Variants in ERICH1 observed in about 807,000 individuals in gnomAD.
The protein encoded by ERICH1 is glutamate-rich protein 1.
ERICH1 carries 56 observed loss-of-function variants against 39.6 expected under a neutral mutation model. The ratio of observed to expected loss-of-function variants is 1.41; its 90% CI spans 1.14 to 1.77. The LOEUF is 1.77. ERICH1 is among the 40% of genes most tolerant of loss of function. The pLI, the probability that ERICH1 is intolerant of heterozygous loss-of-function variation, is 0.00. For missense variants in ERICH1, 826 were observed against 575.4 expected (o/e 1.44, Z -4.45); for synonymous variants, 313 against 223.6 (o/e 1.40, Z -3.57).
chr8:716,095 A>C (rs936574165), intron 1 of ERICH1, 88 bp from the exon 2 acceptor site: 5 of 1,457,070 alleles, frequency 3.4e-6, no homozygotes, highest in South Asian at 1.4e-5. Context: ...ACTCTACACA[A>C]ACACACACAT....
chr8:662,586 T>G (rs1164689216), downstream of ERICH1, among the ~76,000 whole-genome samples: 2 of 149,974 alleles, frequency 1.3e-5, no homozygotes, highest in Non-Finnish European at 3.0e-5. Context: ...AGGTGGAGGT[T>G]GAGGTGAGCC....
chr8:634,807 G>C (rs891641049), intron 3 of ERICH1, among the ~76,000 whole-genome samples: 3 of 152,240 alleles, frequency 2.0e-5, no homozygotes, highest in Non-Finnish European at 4.4e-5. Flanking sequence ...CCCAGGTCAA[G>C]CATCAGAAAA....
intron 2 of ERICH1, among the ~76,000 whole-genome samples, chr8:701,743 A>C (rs1563303238): frequency 6.6e-6 from 1 of 152,234 alleles, no homozygotes; most frequent in Non-Finnish European, 1.5e-5. Context: ...ATGAAATTAA[A>C]GATGATGTCA....
chr8:656,582 G>C lies in ERICH1; in HGVS notation c.976+12016C>G, dbSNP rs377186803. On this transcript the variant is annotated intron_variant, in intron 3 of 3. Transcript: ENST00000522706. ...TTGTAATGCGTCATCCTCCATTAAC[G>C]ATCTTGTTCGCATTGAGGCTGAAAT... Among the ~76,000 whole-genome samples the C allele has an allele frequency of 1.4e-4, 22 of 152,256 alleles. No homozygotes were observed. The East Asian group carries it at 3.5e-3, about 24-fold the overall frequency.
chr8:694,861 C>T (rs1809771774), intron 2 of ERICH1, among the ~76,000 whole-genome samples: 1 of 152,118 alleles, frequency 6.6e-6, no homozygotes, highest in African/African-American at 2.4e-5. Flanking sequence ...GAGAGTTCCC[C>T]GTCCCATCAT....
intron 3 of ERICH1, among the ~76,000 whole-genome samples, chr8:621,776 T>C (rs1275395559): frequency 6.6e-6 from 1 of 152,102 alleles, no homozygotes; most frequent in Non-Finnish European, 1.5e-5. Context: ...AATAATGACC[T>C]TATAAAAGTA....
At chr8:637,740 C>T (rs1413834465) in intron 3 of ERICH1, 3 of 152,392 alleles carry the variant, frequency 2.0e-5, no homozygotes, top group South Asian at 2.1e-4. Flanking sequence ...GGGCATCTGG[C>T]AGTTCCTACC....
At chr8:710,287 C>T (rs1703947) in intron 2 of ERICH1, among the ~76,000 whole-genome samples, 2,310 of 151,680 alleles carry the variant, frequency 0.015, 56 homozygotes, top group African/African-American at 0.053. Flanking sequence ...TCCCAGTCCT[C>T]GGCATCATAC....
chr8:684,700 G>C (rs1461025136), intron 3 of ERICH1, among the ~76,000 whole-genome samples: 3 of 152,166 alleles, frequency 2.0e-5, no homozygotes, highest in Non-Finnish European at 2.9e-5. Context: ...GCATCGGCCA[G>C]TCTGAGAAAT....
intron 2 of ERICH1, among the ~76,000 whole-genome samples, chr8:699,360 T>C (rs994878302): frequency 1.3e-5 from 2 of 152,176 alleles, no homozygotes; most frequent in Non-Finnish European, 2.9e-5. Context: ...CCAGCGGCCT[T>C]CTTCTCTCCT....
In ERICH1 at chr8:655,138, C is replaced by T. The variant is rs554178071; in HGVS notation, c.976+13460G>A. On this transcript the variant is annotated intron_variant, in intron 3 of 3. Transcript: ENST00000522706. Reference sequence around the variant, plus strand: ...ACGACGGGACCTCAGGCCAAGCCCACGCCAAGTCGGCCCCAAGGGACTAGG... The same window carrying T: ...ACGACGGGACCTCAGGCCAAGCCCATGCCAAGTCGGCCCCAAGGGACTAGG... 2.6e-5 allele frequency among the ~76,000 whole-genome samples: 4 copies of T among 152,312 alleles called. No individual in the cohort carries two copies. In the South Asian group the frequency reaches 6.2e-4, roughly 24 times the overall value.
chr8:635,194 G>T (rs1211623529), intron 3 of ERICH1, among the ~76,000 whole-genome samples: 1 of 152,064 alleles, frequency 6.6e-6, no homozygotes, highest in Non-Finnish European at 1.5e-5. Context: ...GAAACCCCCC[G>T]AGGACAGGCC....
chr8:664,663 T>A lies in ERICH1; in HGVS notation c.1272A>T (p.Val424=). 2 of 1,612,004 alleles carry A rather than the reference T, an allele frequency of 1.2e-6. No individual in the cohort carries two copies. Among genetic ancestry groups the A allele is most frequent in the Non-Finnish European group, 1.7e-6 (2 of 1,179,320 alleles). The change falls in exon 6 of 6, where the codon GTA becomes GTT. Residue 424 remains valine, a synonymous_variant. Transcript: ENST00000262109. ...TCCAGTAACTAAAGAAAGCTGAGAT[T>A]ACTCTGGCATGGTCTAGAAAGCAAA... ...HCTMPPDHAR[V]ISAFFSYWIT... is the part of the protein sequence containing the mutation.
intron 1 of ERICH1, among the ~76,000 whole-genome samples, chr8:719,046 G>GACC (rs1816696306): frequency 1.3e-5 from 2 of 152,130 alleles, no homozygotes; most frequent in South Asian, 4.1e-4. Context: ...CTTCCCCATA[G>GACC]ACCACCTAGG....
intron 2 of ERICH1, among the ~76,000 whole-genome samples, chr8:711,724 C>T (rs1814783752): frequency 6.6e-6 from 1 of 152,130 alleles, no homozygotes; most frequent in Non-Finnish European, 1.5e-5. Context: ...GTGTCGATCT[C>T]CTGACCTCGT....
At chr8:723,453 T>C (rs1389506643) in intron 1 of ERICH1, among the ~76,000 whole-genome samples, 1 of 152,174 alleles carries the variant, frequency 6.6e-6, no homozygotes, top group Non-Finnish European at 1.5e-5. Flanking sequence ...TTAGTAGAAA[T>C]TTCCACCATG....
Position 673,825 on chromosome 8 carries a change from G to T in ERICH1, c.527C>A (p.Ala176Glu), listed in dbSNP as rs777771543. ...KKKQQIKRKK[A>E]AGLAAKAAGV... ...AGCAGCCTTTGCTGCCAAGCCGGCTGCTTTCTTCCTTTTAATTTGCTGTTT... is the reference window on the plus strand; with the variant it reads ...AGCAGCCTTTGCTGCCAAGCCGGCTTCTTTCTTCCTTTTAATTTGCTGTTT... Residue 176 changes from alanine (A) to glutamate (E), a missense_variant, in exon 4 of 6, where the codon GCA becomes GAA. Coordinates refer to ENST00000262109, the MANE Select transcript of ERICH1 (RefSeq NM_207332.3). The T allele has an allele frequency of 1.1e-5, 18 of 1,613,984 alleles. No homozygotes were observed. In the East Asian group the frequency reaches 3.6e-4, roughly 32 times the overall value.
rs540989064 is a variant in ERICH1, at chr8:617,453, G to C, written c.977-2169C>G. On this transcript the variant is annotated intron_variant, in intron 3 of 3. Transcript: ENST00000522706. ...ATTTGGTCCTCATCTGACCCCACTGGGGAGTGCTGAGTGCTTGGTGCTCGG... is the reference window on the plus strand; with the variant it reads ...ATTTGGTCCTCATCTGACCCCACTGCGGAGTGCTGAGTGCTTGGTGCTCGG... 7.2e-5 allele frequency among the ~76,000 whole-genome samples: 11 copies of C among 152,318 alleles called. No individual in the cohort carries two copies. In the South Asian group the frequency reaches 1.0e-3, roughly 14 times the overall value.
intron 3 of ERICH1, among the ~76,000 whole-genome samples, chr8:677,861 T>C (rs891907739): frequency 6.6e-6 from 1 of 152,076 alleles, no homozygotes; most frequent in African/African-American, 2.4e-5. Flanking sequence ...TGCGGAATGC[T>C]GCTCATCACC....
Sources: allele counts gnomAD v4.1 joint callset (sites outside exome capture counted in the v4.1 genomes callset), GRCh38; gene constraint gnomAD v4.1.1; transcripts MANE v1.5; gene names NCBI Gene and HGNC (gene_info 2026-07-23, HGNC 2026-07-21).